Variants in VPS41 observed in about 807,000 individuals in gnomAD.
The protein encoded by VPS41 is VPS41 subunit of HOPS complex.
VPS41 carries 85 observed loss-of-function variants against 130.9 expected under a neutral mutation model. The observed-to-expected ratio is 0.65, with a 90% confidence interval of 0.55 to 0.78. The LOEUF (loss-of-function observed/expected upper bound fraction) is 0.78, where lower values mean the gene tolerates loss of function less well. Among genes scored for constraint, VPS41 ranks in the 30% least tolerant of loss-of-function variants. The pLI is 0.00. For synonymous variants in VPS41, 335 were observed against 332.9 expected (o/e 1.01, Z -0.07); for missense variants, 874 against 1,018.7 (o/e 0.86, Z 1.93).
At chr7:38,855,605 G>A (rs1008037703) in intron 4 of VPS41, among the ~76,000 whole-genome samples, 3 of 152,092 alleles carry the variant, frequency 2.0e-5, no homozygotes, top group Admixed American at 1.3e-4. Flanking sequence ...AGAATGTTTC[G>A]CTACATAAGG....
At chr7:38,830,681 G>A (rs1785369611) in intron 4 of VPS41, among the ~76,000 whole-genome samples, 1 of 152,104 alleles carries the variant, frequency 6.6e-6, no homozygotes, top group African/African-American at 2.4e-5. Flanking sequence ...ACCTCAAAAA[G>A]GCCACCCACT....
chr7:38,892,103 C>T (rs1233889720), intron 2 of VPS41, among the ~76,000 whole-genome samples: 5 of 151,738 alleles, frequency 3.3e-5, no homozygotes, highest in Admixed American at 6.6e-5. Flanking sequence ...TTGAACAAAT[C>T]GAAATCTGTA....
chr7:38,800,033 T>TA (rs981173163), intron 7 of VPS41, among the ~76,000 whole-genome samples: 20 of 151,812 alleles, frequency 1.3e-4, no homozygotes, highest in African/African-American at 4.6e-4. Context: ...TCAAAGCTTT[T>TA]AAAAAAAATG....
At chr7:38,812,973 G>A (rs1160776004) in intron 7 of VPS41, among the ~76,000 whole-genome samples, 3 of 152,138 alleles carry the variant, frequency 2.0e-5, no homozygotes, top group Non-Finnish European at 2.9e-5. Context: ...AAACGGTTTG[G>A]CAATTCTTCA....
intron 4 of VPS41, among the ~76,000 whole-genome samples, chr7:38,851,249 T>C (rs529061673): frequency 6.6e-6 from 1 of 152,334 alleles, no homozygotes; most frequent in African/African-American, 2.4e-5. Context: ...CCCTGAGTAA[T>C]ATATTAATTT....
At chr7:38,847,741 C>G (rs1785758646) in intron 4 of VPS41, among the ~76,000 whole-genome samples, 1 of 152,126 alleles carries the variant, frequency 6.6e-6, no homozygotes, top group South Asian at 2.1e-4. Flanking sequence ...TAAATGATAC[C>G]ATCAATGATA....
intron 22 of VPS41, among the ~76,000 whole-genome samples, chr7:38,749,723 G>T (rs546302566): frequency 6.6e-6 from 1 of 152,306 alleles, no homozygotes; most frequent in South Asian, 2.1e-4. Context: ...CCCTTTACTA[G>T]CAAGCTTGGG....
At chr7:38,817,929 T>C in intron 6 of VPS41, 47 bp from the exon 7 acceptor site, 1 of 1,471,790 alleles carries the variant, frequency 6.8e-7, no homozygotes, top group Non-Finnish European at 9.5e-7. Context: ...TCATGGCCAA[T>C]GCACAGAATG....
At chr7:38,764,131 A>C (rs755498276) in intron 16 of VPS41, among the ~76,000 whole-genome samples, 25 of 152,224 alleles carry the variant, frequency 1.6e-4, no homozygotes, top group South Asian at 4.1e-4. Context: ...AAGTCCTAGA[A>C]GAAAGATATG....
chr7:38,802,324 T>C (rs1260678022), intron 7 of VPS41, among the ~76,000 whole-genome samples: 3 of 152,212 alleles, frequency 2.0e-5, no homozygotes, highest in Admixed American at 1.3e-4. Context: ...CTCTCCTTGA[T>C]GTTACCTGCC....
Position 38,756,926 on chromosome 7 carries a change from T to C in VPS41, c.1607A>G (p.His536Arg). ...GTGGATCAACTGAAAAACGTCTTTA[T>C]GTCTTAATGTTAAGTATATTTCCAG... The part of the protein sequence containing the change: ...NALEIYLTLR[H>R]KDVFQLIHKH... Residue 536 changes from histidine (H) to arginine (R), a missense_variant, in exon 19 of 29, where the codon CAT (histidine) becomes CGT (arginine). Transcript: ENST00000310301. 1 of 1,599,156 alleles carries C rather than the reference T, an allele frequency of 6.3e-7. No individual in the cohort carries two copies. The highest frequency in any genetic ancestry group is 8.6e-7 in the Non-Finnish European group (1 of 1,167,256).
intron 4 of VPS41, among the ~76,000 whole-genome samples, chr7:38,833,325 G>C (rs1318828230): frequency 2.0e-5 from 3 of 152,160 alleles, no homozygotes; most frequent in East Asian, 1.9e-4. Flanking sequence ...GTTGATAAGA[G>C]ACATTCCTTT....
chr7:38,752,994 C>T (rs1783712110), intron 21 of VPS41, among the ~76,000 whole-genome samples: 1 of 152,102 alleles, frequency 6.6e-6, no homozygotes, highest in Non-Finnish European at 1.5e-5. Flanking sequence ...TGATTCCTTA[C>T]CTTAGCTGTC....
Position 38,745,902 on chromosome 7 carries a change from T to C in VPS41, c.1927-289A>G. 2.1e-5 allele frequency: 7 copies of C among 326,326 alleles called. No individual in the cohort carries two copies. In the South Asian group the frequency reaches 2.8e-4, roughly 13 times the overall value. The allele number at this position is 326,326 out of a possible 1,614,324, so 20.2% of individuals were successfully genotyped here. A position where few individuals can be genotyped will look rare whatever the true frequency, so the allele number is the denominator to read the frequency against. ...AATGAAAAGAAAGGGCCTTTCCCAC[T>C]AAGCTTTCTCTCTTTACACTACTTC... On this transcript the variant is annotated intron_variant, in intron 22 of 28. Coordinates refer to ENST00000310301, the MANE Select transcript of VPS41 (RefSeq NM_014396.4).
At chr7:38,769,056 T>C (rs906463548) in intron 14 of VPS41, among the ~76,000 whole-genome samples, 4 of 152,138 alleles carry the variant, frequency 2.6e-5, no homozygotes, top group Non-Finnish European at 4.4e-5. Flanking sequence ...TCAGAATAAA[T>C]AATACACATA....
intron 7 of VPS41, among the ~76,000 whole-genome samples, chr7:38,812,829 T>A (rs1286315001): frequency 6.6e-6 from 1 of 152,008 alleles, no homozygotes; most frequent in African/African-American, 2.4e-5. Context: ...AAAACCACAA[T>A]GAGATATCAC....
intron 5 of VPS41, among the ~76,000 whole-genome samples, chr7:38,827,628 C>T (rs930074647): frequency 2.0e-5 from 3 of 152,198 alleles, no homozygotes; most frequent in African/African-American, 7.2e-5. Context: ...GAGGGAGGCA[C>T]TGCCAGGCCA....
chr7:38,795,269 A>T (rs1181612274), intron 9 of VPS41, among the ~76,000 whole-genome samples, 196 bp downstream of exon 9: 1 of 152,236 alleles, frequency 6.6e-6, no homozygotes, highest in African/African-American at 2.4e-5. Context: ...ATAGTTTTAC[A>T]TGCCATGGAA....
At chr7:38,852,929 C>G (rs1243244406) in intron 4 of VPS41, among the ~76,000 whole-genome samples, 1 of 152,186 alleles carries the variant, frequency 6.6e-6, no homozygotes, top group Non-Finnish European at 1.5e-5. Flanking sequence ...AAGACACTCC[C>G]TTGAAAACAC....
Sources: allele counts gnomAD v4.1 joint callset (sites outside exome capture counted in the v4.1 genomes callset), GRCh38; gene constraint gnomAD v4.1.1; transcripts MANE v1.5; gene names NCBI Gene and HGNC (gene_info 2026-07-23, HGNC 2026-07-21).